PPP2R3C: variants seen among roughly 807,000 people sequenced by gnomAD.
PPP2R3C encodes serine/threonine-protein phosphatase 2A regulatory subunit B'' subunit gamma.
In PPP2R3C, 47 loss-of-function variants were observed where a neutral mutation model predicts 63.7. That is an observed-to-expected ratio of 0.74 (90% confidence interval 0.58 to 0.94). The LOEUF is 0.94. Ranked by LOEUF, PPP2R3C falls within the 40% of genes least tolerant of loss-of-function variation. The pLI is 0.00. For missense variants in PPP2R3C, 421 were observed against 518.4 expected (o/e 0.81, Z 1.82); for synonymous variants, 180 against 177.4 (o/e 1.01, Z -0.12).
At chr14:35,121,003 G>T (rs771036425) in intron 1 of PPP2R3C, among the ~76,000 whole-genome samples, 3 of 151,990 alleles carry the variant, frequency 2.0e-5, no homozygotes, top group Non-Finnish European at 4.4e-5. Flanking sequence ...GATGAAAATT[G>T]AATGTAGGAG....
rs576273236 is a variant in PPP2R3C, at chr14:35,116,662, C to T, written c.134G>A (p.Gly45Asp). ...FTKYYSEWKG[G>D]RKNTNEFYKT... ...ATAGAATTCATTTGTGTTTTTTCTA[C>T]CTCCTTTCCATTCGGAGTAATATTT... Residue 45 changes from glycine to aspartate, a missense_variant, in exon 2 of 13, where the codon GGT (glycine) becomes GAT (aspartate). By Grantham distance (94) the Gly-to-Asp change is moderately conservative (BLOSUM62 -1). Coordinates refer to ENST00000261475, the MANE Select transcript of PPP2R3C (RefSeq NM_017917.4). 9.4e-6 allele frequency: 15 copies of T among 1,601,002 alleles called. No homozygotes were observed. Among genetic ancestry groups the T allele is most frequent in the Non-Finnish European group, 6.0e-6 (7 of 1,170,850 alleles).
chr14:35,117,284 C>T, intron 1 of PPP2R3C: 2 of 402,024 alleles, frequency 5.0e-6, no homozygotes, highest in South Asian at 1.8e-5. Context: ...CTGTCTCATT[C>T]AGCCAATTCC....
intron 1 of PPP2R3C, among the ~76,000 whole-genome samples, chr14:35,119,068 C>T (rs1234340784): frequency 2.7e-5 from 4 of 146,318 alleles, no homozygotes; most frequent in Non-Finnish European, 1.5e-5. Flanking sequence ...GATGTAGTCT[C>T]GTTCTATCGC....
intron 6 of PPP2R3C, chr14:35,100,068 A>C (rs117333243): frequency 1.3e-5 from 2 of 152,166 alleles, no homozygotes; most frequent in African/African-American, 4.8e-5. Context: ...GGATGTATCA[A>C]CATACCATGA....
chr14:35,104,270 G>C (rs2138667671), intron 6 of PPP2R3C, among the ~76,000 whole-genome samples: 1 of 152,286 alleles, frequency 6.6e-6, no homozygotes, highest in South Asian at 2.1e-4. Context: ...GAACCTTAAA[G>C]AGAACTGTAG....
At position 35,121,929 on chromosome 14, in the gene PPP2R3C, G is replaced by C. The variant is rs1272091621; in HGVS notation, c.31C>G (p.Leu11Val). Residue 11 changes from leucine (L) to valine (V), a missense_variant, in exon 1 of 13, where the codon CTA becomes GTA. Leu to Val is a conservative substitution (Grantham distance 32). Coordinates refer to ENST00000261475, the MANE Select transcript of PPP2R3C (RefSeq NM_017917.4). MDWKEVLRRR[L>V]ATPNTCPNKK... ...TTTGGACAGGTGTTGGGCGTCGCTA[G>C]GCGCCGACGAAGAACTTCTTTCCAG... The C allele has an allele frequency of 6.2e-7, 1 of 1,614,202 alleles. No individual in the cohort carries two copies. The highest frequency in any genetic ancestry group is 1.1e-5 in the South Asian group (1 of 91,090).
Position 35,091,084 on chromosome 14 carries a change from T to A in PPP2R3C, c.1099A>T (p.Asn367Tyr). ...ATGAGACTTACCCTAAAGAAATAAT[T>A]AAGTGAAAAGACATTCAGGTATCCT... is the stretch of plus-strand genomic sequence containing the variant. ...NKGYLNVFSL[N>Y]YFFRAIQELM... is the part of the protein sequence containing the mutation. The change falls in exon 11 of 13, where the codon AAT becomes TAT. Residue 367 changes from asparagine (N) to tyrosine (Y), a missense_variant. By Grantham distance (143) the Asn-to-Tyr change is moderately radical. Around this residue, in one of 3 missense-constraint regions of PPP2R3C, gnomAD observed 231 missense variants for 264.8 expected, o/e 0.87. Coordinates refer to ENST00000261475, the MANE Select transcript of PPP2R3C (RefSeq NM_017917.4). The A allele has an allele frequency of 6.2e-7, 1 of 1,603,042 alleles. No homozygotes were observed. Among genetic ancestry groups the A allele is most frequent in the Non-Finnish European group, 8.5e-7 (1 of 1,172,782 alleles).
chr14:35,117,109 G>A (rs772373503), intron 1 of PPP2R3C: 10 of 455,830 alleles, frequency 2.2e-5, no homozygotes, highest in Non-Finnish European at 4.0e-5. Context: ...CACGGAATGA[G>A]GGGTGAGCAA....
chr14:35,116,564 A>G, intron 2 of PPP2R3C, 46 bp downstream of exon 2: 1 of 1,448,426 alleles, frequency 6.9e-7, no homozygotes, highest in Non-Finnish European at 9.2e-7. Flanking sequence ...CAAAAATTAT[A>G]TTTCATTTTT....
intron 1 of PPP2R3C, among the ~76,000 whole-genome samples, chr14:35,119,889 C>A (rs1371946694): frequency 3.9e-5 from 5 of 129,012 alleles, no homozygotes; most frequent in Admixed American, 8.9e-5. Context: ...CTCGCTCTGT[C>A]GCCCAGGCTG....
chr14:35,110,297 C>A, intron 3 of PPP2R3C: 1 of 475,474 alleles, frequency 2.1e-6, no homozygotes, highest in Non-Finnish European at 3.7e-6. Flanking sequence ...CTTGGCTGCA[C>A]ATTAGAATCA....
rs901094341 is a variant in PPP2R3C at position 35,110,374 on chromosome 14, C to T, written c.291+151G>A. On this transcript the variant is annotated intron_variant, in intron 3 of 12. Transcript: ENST00000261475. ...GGGTACATGACCCATGCAAACTCAG[C>T]GGCTGCTTCTGGTGGGAACTGCTGC... 4.2e-5 allele frequency: 24 copies of T among 565,864 alleles called. No homozygotes were observed. The South Asian group carries it at 4.4e-4, about 10-fold the overall frequency. The allele number at this position is 565,864 out of a possible 1,614,324, so 35.1% of individuals were successfully genotyped here. A position where few individuals can be genotyped will look rare whatever the true frequency, so the allele number is the denominator to read the frequency against.
chr14:35,098,193 T>TG (rs1426801174), intron 7 of PPP2R3C, among the ~76,000 whole-genome samples: 1 of 151,376 alleles, frequency 6.6e-6, no homozygotes, highest in Non-Finnish European at 1.5e-5. Flanking sequence ...TTTTTTTTTT[T>TG]TTTTGGACAC....
At position 35,096,635 on chromosome 14, in the gene PPP2R3C, T is replaced by G. The variant is rs1191095517; in HGVS notation, c.763-2A>C. 1 of 1,613,092 alleles carries G rather than the reference T, an allele frequency of 6.2e-7. No homozygotes were observed. Among genetic ancestry groups the G allele is most frequent in the Admixed American group, 1.7e-5 (1 of 59,842 alleles). On this transcript the variant is annotated splice_acceptor_variant, in intron 8 of 12. Coordinates refer to ENST00000261475, the MANE Select transcript of PPP2R3C (RefSeq NM_017917.4). LOFTEE classifies it high-confidence loss of function. Reference sequence around the variant, plus strand: ...CTTGGACAGTTCCTCATCCCTTAGCTAATGGAACACAAAGACATAATTAGA... The same window carrying G: ...CTTGGACAGTTCCTCATCCCTTAGCGAATGGAACACAAAGACATAATTAGA...
chr14:35,110,652 T>C (rs1165810172), intron 2 of PPP2R3C, 23 bp from the exon 3 acceptor site: 1 of 1,535,436 alleles, frequency 6.5e-7, no homozygotes, highest in Non-Finnish European at 8.9e-7. Context: ...GGTAAATTTC[T>C]ACATGTAAAT....
intron 4 of PPP2R3C, 106 bp from the exon 5 acceptor site, chr14:35,108,342 GAAC>G (rs1566420682): frequency 3.1e-6 from 4 of 1,300,550 alleles, no homozygotes; most frequent in Non-Finnish European, 4.0e-6. Context: ...AAAAATGAAA[GAAC>G]AATAGAGACT....
chr14:35,117,210 C>G (rs1000818766), intron 1 of PPP2R3C: 6 of 454,848 alleles, frequency 1.3e-5, no homozygotes, highest in Non-Finnish European at 2.2e-5. Flanking sequence ...AAAACTCATC[C>G]TCTGTCTGAA....
intron 12 of PPP2R3C, 147 bp downstream of exon 12, chr14:35,087,804 C>T (rs913604206): frequency 2.0e-5 from 13 of 640,740 alleles, no homozygotes; most frequent in Admixed American, 1.1e-4. Context: ...GGTCTCAGTT[C>T]GTAATGATTT....
intron 12 of PPP2R3C, chr14:35,086,521 G>A (rs1265854446): frequency 7.0e-6 from 1 of 143,540 alleles, no homozygotes; most frequent in African/African-American, 2.6e-5. Flanking sequence ...TTTTGAGACA[G>A]AGTTTCACCC....
Sources: gnomAD v4.1 joint callset for allele counts (sites outside exome capture counted in the v4.1 genomes callset) on GRCh38, gnomAD v4.1.1 for gene constraint, gnomAD v4.1.1 regional missense constraint, MANE v1.5 for transcripts, NCBI Gene and HGNC (gene_info 2026-07-23, HGNC 2026-07-21) for gene names.